Variants in SPTBN2 observed in about 807,000 individuals in gnomAD.
SPTBN2 encodes the protein spectrin beta, non-erythrocytic 2.
In SPTBN2, 107 loss-of-function variants were observed where a neutral mutation model predicts 284.2. That is an observed-to-expected ratio of 0.38 (90% CI 0.32 to 0.44). The LOEUF is 0.44. Ranked by LOEUF, SPTBN2 falls within the 20% of genes least tolerant of loss-of-function variation. The pLI is 1.00. For missense variants in SPTBN2, 2,569 were observed against 3,287.1 expected (o/e 0.78, Z 5.34); for synonymous variants, 1,289 against 1,354.8 (o/e 0.95, Z 1.07).
In SPTBN2 at chr11:66,700,415, G is replaced by A; in HGVS notation, c.3573+111C>T. 1 of 1,478,398 alleles carries A rather than the reference G, an allele frequency of 6.8e-7. No homozygotes were observed. The highest frequency in any genetic ancestry group is 9.3e-7 in the Non-Finnish European group (1 of 1,079,326). The allele number at this position is 1,478,398 out of a possible 1,614,324, so 91.6% of individuals were successfully genotyped here. A position where few individuals can be genotyped will look rare whatever the true frequency, so the allele number is the denominator to read the frequency against. The stretch of plus-strand genomic sequence containing the variant: ...GCTGGAATTTCAGGTGTGAACCACT[G>A]CGCTGCCCCATTTTGCTAGCATGTC... On this transcript the variant is annotated intron_variant, in intron 17 of 37. Transcript: ENST00000533211. The surrounding 1 kb of genome is among the most constrained non-coding windows in gnomAD (Gnocchi z 6.6).
intron 1 of SPTBN2, among the ~76,000 whole-genome samples, chr11:66,742,443 G>A (rs1942902224): frequency 6.6e-6 from 1 of 152,036 alleles, no homozygotes; most frequent in Non-Finnish European, 1.5e-5. Flanking sequence ...GGGTGGTATT[G>A]GGTGCTCCAT....
In SPTBN2 at chr11:66,704,640, G is replaced by A. The variant is rs371683050; in HGVS notation, c.2636C>T (p.Ala879Val). 8.1e-6 allele frequency: 13 copies of A among 1,612,154 alleles called. No homozygotes were observed. The African/African-American group carries it at 1.6e-4, about 20-fold the overall frequency. Residue 879 changes from alanine (A) to valine (V), a missense_variant, in exon 15 of 38, where the codon GCC (alanine) becomes GTC (valine). Ala to Val is a moderately conservative substitution (Grantham distance 64). Coordinates refer to ENST00000533211, the MANE Select transcript of SPTBN2 (RefSeq NM_006946.4). ...CAGGTCCTCCAGGCGTTCAGGCAGGGCCAGCCCGTTGAGCCACTGCTCCTT... is the reference window on the plus strand; with the variant it reads ...CAGGTCCTCCAGGCGTTCAGGCAGGACCAGCCCGTTGAGCCACTGCTCCTT... ...EEKEQWLNGL[A>V]LPERLEDLEV... is the part of the protein sequence containing the mutation.
Position 66,688,064 on chromosome 11 carries a change from T to G in SPTBN2, c.6390A>C (p.Pro2130=), listed in dbSNP as rs1590907859. 6.2e-7 allele frequency: 1 copy of G among 1,614,000 alleles called. No homozygotes were observed. The highest frequency in any genetic ancestry group is 1.3e-5 in the African/African-American group (1 of 74,922). The change falls in exon 33 of 38, where the codon CCA becomes CCC. Residue 2130 remains proline (P), a synonymous_variant. Coordinates refer to ENST00000533211, the MANE Select transcript of SPTBN2 (RefSeq NM_006946.4). Reference sequence around the variant, plus strand: ...CACTGGGTGCTTGTGTGGATGGTGGTGGCCGTGGCTGGGTTCTGGGATGAC... The same window carrying G: ...CACTGGGTGCTTGTGTGGATGGTGGGGGCCGTGGCTGGGTTCTGGGATGAC... The part of the protein sequence containing the change: ...DTTWDGTQPR[P]PPSTQAPSVN...
intron 3 of SPTBN2, among the ~76,000 whole-genome samples, chr11:66,717,595 G>T (rs546367853): frequency 6.6e-6 from 1 of 152,292 alleles, no homozygotes; most frequent in East Asian, 1.9e-4. Context: ...AAGGTGCCTT[G>T]GGGCCTCCCG....
intron 1 of SPTBN2, among the ~76,000 whole-genome samples, chr11:66,738,418 A>T (rs766443872): frequency 1.3e-4 from 20 of 152,348 alleles, no homozygotes; most frequent in South Asian, 8.3e-4. Context: ...TTGATCCCAT[A>T]GTCTCTTTCC....
intron 5 of SPTBN2, 142 bp from the exon 6 acceptor site, chr11:66,714,549 A>G: frequency 1.3e-6 from 1 of 745,916 alleles, no homozygotes; most frequent in Non-Finnish European, 2.3e-6. Flanking sequence ...CTTTCAACCT[A>G]GGCCAGGGAC....
chr11:66,704,920 C>A lies in SPTBN2; in HGVS notation c.2356G>T (p.Ala786Ser). The change falls in exon 15 of 38, where the codon GCC (alanine) becomes TCC (serine). Residue 786 changes from alanine to serine, a missense_variant. This residue lies in a region of SPTBN2 where 1,012 missense variants were observed against 1,248.9 expected (regional missense o/e 0.81). Transcript: ENST00000533211. The stretch of plus-strand genomic sequence containing the variant: ...TCCTCCAGGGCCCGATGCTGCCTGG[C>A]TAGAGCCTGCGTGGAGAACTCGTCG... ...GHDEFSTQAL[A>S]RQHRALEEEI... 1 of 1,611,644 alleles carries A rather than the reference C, an allele frequency of 6.2e-7. No homozygotes were observed. Among genetic ancestry groups the A allele is most frequent in the South Asian group, 1.1e-5 (1 of 91,088 alleles).
At position 66,693,576 on chromosome 11, in the gene SPTBN2, C is replaced by T. The variant is rs1036914270; in HGVS notation, c.4594-130G>A. ...TGCTCCCTCTCCTAGCCTGGGGGTG[C>T]GATGGTAACACCCGTCAGCCGCCCA... On this transcript the variant is annotated intron_variant, in intron 23 of 37. Coordinates refer to ENST00000533211, the MANE Select transcript of SPTBN2 (RefSeq NM_006946.4). The surrounding 1 kb of genome is among the most constrained non-coding windows in gnomAD (Gnocchi z 5.7). The T allele has an allele frequency of 1.0e-5, 15 of 1,452,888 alleles. No homozygotes were observed. The highest frequency in any genetic ancestry group is 2.2e-4 in the Middle Eastern group (1 of 4,506). The allele number at this position is 1,452,888 out of a possible 1,614,324, so 90.0% of individuals were successfully genotyped here. A position where few individuals can be genotyped will look rare whatever the true frequency, so the allele number is the denominator to read the frequency against.
chr11:66,713,987 G>T, intron 7 of SPTBN2, 104 bp downstream of exon 7: 3 of 1,242,190 alleles, frequency 2.4e-6, no homozygotes, highest in Non-Finnish European at 3.5e-6. Flanking sequence ...TATTCCTTCC[G>T]TCTGACTGCT....
At chr11:66,706,076 A>C (rs1419781338) in intron 13 of SPTBN2, among the ~76,000 whole-genome samples, 1 of 152,088 alleles carries the variant, frequency 6.6e-6, no homozygotes, top group Non-Finnish European at 1.5e-5. Context: ...TGCTGTGACT[A>C]ATCTTCTCAG....
chr11:66,727,824 C>G (rs925857012), intron 1 of SPTBN2, among the ~76,000 whole-genome samples: 46 of 151,102 alleles, frequency 3.0e-4, no homozygotes, highest in African/African-American at 1.0e-3. Flanking sequence ...CCCGTCCGCC[C>G]CGCAGCCCCG....
Position 66,687,240 on chromosome 11 carries a change from G to T in SPTBN2, c.6723-73C>A. On this transcript the variant is annotated intron_variant, in intron 35 of 37. Coordinates refer to ENST00000533211, the MANE Select transcript of SPTBN2 (RefSeq NM_006946.4). This position sits in a 1 kb window ranked among gnomAD's most constrained non-coding sequence, Gnocchi z 5.2. The stretch of plus-strand genomic sequence containing the variant: ...CCTGGAGCCCTCTTGGGTGTCCTAG[G>T]ACTTCCAGTTCTGCTCCCATCTTTA... 6.3e-7 allele frequency: 1 copy of T among 1,596,408 alleles called. No homozygotes were observed. Among genetic ancestry groups the T allele is most frequent in the Non-Finnish European group, 8.5e-7 (1 of 1,174,780 alleles).
chr11:66,710,683 C>T lies in SPTBN2; in HGVS notation c.972G>A (p.Thr324=), dbSNP rs761905284. ...ASELLQWIEQ[T]IVTLNDRQLA... ...ACTGCCGGTCATTGAGGGTCACGAT[C>T]GTTTGCTCGATCCACTGCAGCAGCT... is the stretch of plus-strand genomic sequence containing the variant. The change falls in exon 10 of 38, where the codon ACG becomes ACA. Residue 324 remains threonine, a synonymous_variant. Transcript: ENST00000533211. This position sits in a 1 kb window ranked among gnomAD's most constrained non-coding sequence, Gnocchi z 4.9. 12 of 1,614,184 alleles carry T rather than the reference C, an allele frequency of 7.4e-6. No individual in the cohort carries two copies. Among genetic ancestry groups the T allele is most frequent in the East Asian group, 4.5e-5 (2 of 44,870 alleles).
Position 66,688,768 on chromosome 11 carries a change from G to A in SPTBN2, c.6116C>T (p.Ala2039Val). The A allele has an allele frequency of 6.2e-7, 1 of 1,613,368 alleles. No homozygotes were observed. Among genetic ancestry groups the A allele is most frequent in the Non-Finnish European group, 8.5e-7 (1 of 1,180,036 alleles). Reference protein sequence around the residue: ...LCSQEPLVRSAELGCTVDEVE... With the variant: ...LCSQEPLVRSVELGCTVDEVE... ...TTCGTCGACCGTGCAACCCAGCTCA[G>A]CGCTGCGCACCAGTGGCTCCTGGCT... The change falls in exon 31 of 38, where the codon GCT becomes GTT. Residue 2039 changes from alanine to valine, a missense_variant. Physicochemically the swap from Ala to Val is moderately conservative, Grantham distance 64. Coordinates refer to ENST00000533211, the MANE Select transcript of SPTBN2 (RefSeq NM_006946.4).
In SPTBN2 at chr11:66,687,423, G is replaced by A. The variant is rs1193375421; in HGVS notation, c.6722+4C>T. 1.2e-6 allele frequency: 2 copies of A among 1,605,062 alleles called. No individual in the cohort carries two copies. Among genetic ancestry groups the A allele is most frequent in the Non-Finnish European group, 8.5e-7 (1 of 1,179,942 alleles). ...TCTGAGAGCAGGCTCCAGAGAGGCT[G>A]TACCTGTTGGCAGCCTTCTTCCCGA... On this transcript the variant is annotated splice_donor_region_variant and intron_variant, in intron 35 of 37. Transcript: ENST00000533211. This position sits in a 1 kb window ranked among gnomAD's most constrained non-coding sequence, Gnocchi z 5.2.
Position 66,700,744 on chromosome 11 carries a change from T to A in SPTBN2, c.3355A>T (p.Ser1119Cys). The change falls in exon 17 of 38, where the codon AGC (serine) becomes TGC (cysteine). Residue 1119 changes from serine to cysteine, a missense_variant. By Grantham distance (112) the Ser-to-Cys change is moderately radical (BLOSUM62 -1). Transcript: ENST00000533211. The surrounding 1 kb of genome is among the most constrained non-coding windows in gnomAD (Gnocchi z 6.6). ...ALRGEVERAQ[S>C]EYSRLRALGE... ...AGGGCTCGCAGCCGGCTATACTCGC[T>A]CTGGGCCCGCTCCACCTCTCCCCGC... The A allele has an allele frequency of 6.2e-7, 1 of 1,602,900 alleles. No homozygotes were observed.
Position 66,686,509 on chromosome 11 carries a change from C to T in SPTBN2, c.6897-69G>A, listed in dbSNP as rs140407575. 1.6e-4 allele frequency: 243 copies of T among 1,566,846 alleles called. No homozygotes were observed. The African/African-American group carries it at 3.0e-3, about 19-fold the overall frequency. The stretch of plus-strand genomic sequence containing the variant: ...TCTGCCAGGTAGCTGCTGGTGAGAG[C>T]GTAATCATGACCCAACACCAGGCTG... On this transcript the variant is annotated intron_variant, in intron 36 of 37. Transcript: ENST00000533211.
At chr11:66,703,541 G>A (rs539716622) in intron 15 of SPTBN2, among the ~76,000 whole-genome samples, 61 of 152,142 alleles carry the variant, frequency 4.0e-4, no homozygotes, top group African/African-American at 8.7e-4. Flanking sequence ...GACCATCCTC[G>A]CTAACATGGT....
chr11:66,699,638 T>C (rs1941131250), intron 17 of SPTBN2, 30 bp from the exon 18 acceptor site: 2 of 1,611,884 alleles, frequency 1.2e-6, no homozygotes, highest in African/African-American at 1.3e-5. Context: ...TTCAGCTCAT[T>C]TTCCCCAGCA....
Sources: allele counts gnomAD v4.1 joint callset (sites outside exome capture counted in the v4.1 genomes callset), GRCh38; gene constraint gnomAD v4.1.1; regional missense constraint gnomAD v4.1.1; non-coding constraint Gnocchi (gnomAD v3.1); transcripts MANE v1.5; gene names NCBI Gene and HGNC (gene_info 2026-07-23, HGNC 2026-07-21).